Variants in DDX10 observed in about 807,000 individuals in gnomAD.
DDX10 encodes the protein probable ATP-dependent RNA helicase DDX10.
DDX10 carries 74 observed loss-of-function variants against 104.3 expected under a neutral mutation model. The ratio of observed to expected loss-of-function variants is 0.71; its 90% CI spans 0.59 to 0.86. DDX10 has a LOEUF of 0.86. Ranked by LOEUF, DDX10 falls within the 40% of genes least tolerant of loss-of-function variation. DDX10 has a pLI of 0.00. For synonymous variants in DDX10, 351 were observed against 353.4 expected (o/e 0.99, Z 0.08); for missense variants, 952 against 1,040.0 (o/e 0.92, Z 1.16).
At chr11:108,902,911 A>T (rs528033761) in intron 16 of DDX10, among the ~76,000 whole-genome samples, 3 of 152,164 alleles carry the variant, frequency 2.0e-5, no homozygotes, top group East Asian at 3.9e-4. Flanking sequence ...ATAACCTTAA[A>T]TTTTTTTATT....
chr11:108,826,489 A>G (rs1333980905), intron 13 of DDX10, among the ~76,000 whole-genome samples: 1 of 152,206 alleles, frequency 6.6e-6, no homozygotes, highest in Non-Finnish European at 1.5e-5. Flanking sequence ...TATTTTAGCT[A>G]TGGACCTCAG....
At chr11:108,829,059 G>A (rs1232548121) in intron 13 of DDX10, among the ~76,000 whole-genome samples, 2 of 152,198 alleles carry the variant, frequency 1.3e-5, no homozygotes, top group Non-Finnish European at 2.9e-5. Context: ...GCATGAGTAT[G>A]CAAGTACCTT....
intron 7 of DDX10, chr11:108,690,913 C>T (rs908374449): frequency 5.8e-5 from 9 of 155,048 alleles, no homozygotes; most frequent in African/African-American, 2.2e-4. Context: ...GTTTCCAATT[C>T]CTTGTCCCGT....
chr11:108,850,351 TG>T (rs1862774002), intron 15 of DDX10, among the ~76,000 whole-genome samples: 1 of 152,176 alleles, frequency 6.6e-6, no homozygotes, highest in East Asian at 1.9e-4. Context: ...CATTTTTTTC[TG>T]CTGTGATTAA....
At chr11:108,702,684 T>C (rs1342877103) in intron 9 of DDX10, among the ~76,000 whole-genome samples, 1 of 152,210 alleles carries the variant, frequency 6.6e-6, no homozygotes, top group African/African-American at 2.4e-5. Flanking sequence ...CTATTTTAAC[T>C]AGAAATACTA....
intron 16 of DDX10, among the ~76,000 whole-genome samples, chr11:108,854,162 T>C (rs1423780602): frequency 4.6e-5 from 7 of 152,068 alleles, no homozygotes; most frequent in Non-Finnish European, 1.0e-4. Flanking sequence ...AAACCAACCT[T>C]TTGCACCCAA....
At chr11:108,735,008 C>T (rs952287232) in intron 13 of DDX10, among the ~76,000 whole-genome samples, 4 of 152,198 alleles carry the variant, frequency 2.6e-5, no homozygotes, top group African/African-American at 9.6e-5. Flanking sequence ...GGAGGACTGT[C>T]TTTGTGATGG....
chr11:108,849,877 T>A (rs776256520), intron 15 of DDX10, among the ~76,000 whole-genome samples: 1 of 152,258 alleles, frequency 6.6e-6, no homozygotes, highest in East Asian at 1.9e-4. Context: ...CTTTGTTTTG[T>A]CATATGTCAT....
intron 1 of DDX10, among the ~76,000 whole-genome samples, chr11:108,666,899 C>A (rs1345830363): frequency 6.6e-6 from 1 of 152,218 alleles, no homozygotes. Context: ...GGATCATTTT[C>A]AGCACCACAT....
At chr11:108,870,327 T>C (rs1863064015) in intron 16 of DDX10, among the ~76,000 whole-genome samples, 1 of 152,160 alleles carries the variant, frequency 6.6e-6, no homozygotes, top group Admixed American at 6.5e-5. Flanking sequence ...TGAATTATAG[T>C]GGCCAGAATG....
chr11:108,727,032 C>G (rs1380937593), intron 13 of DDX10, among the ~76,000 whole-genome samples: 1 of 151,978 alleles, frequency 6.6e-6, no homozygotes. Flanking sequence ...TGAAAAACTC[C>G]ATTTAAGCAA....
intron 17 of DDX10, among the ~76,000 whole-genome samples, chr11:108,937,973 G>C (rs1864057421): frequency 6.6e-6 from 1 of 152,176 alleles, no homozygotes; most frequent in African/African-American, 2.4e-5. Flanking sequence ...CTGACACGAA[G>C]ATAAAATGCA....
At chr11:108,852,346 A>T (rs1862805710) in intron 16 of DDX10, 137 bp downstream of exon 16, 1 of 619,616 alleles carries the variant, frequency 1.6e-6, no homozygotes, top group East Asian at 3.0e-5. Flanking sequence ...TGGATTTTAT[A>T]TATTATTTGT....
At position 108,841,553 on chromosome 11, in the gene DDX10, A is replaced by G. The variant is rs1862639101; in HGVS notation, c.2247+77A>G. On this transcript the variant is annotated intron_variant, in intron 15 of 17. Transcript: ENST00000322536. ...ATATCTAAATATTCATTAGCTATTCATTAATAAGTGTATTATTTTCTTCAT... is the reference window on the plus strand; with the variant it reads ...ATATCTAAATATTCATTAGCTATTCGTTAATAAGTGTATTATTTTCTTCAT... 7.2e-6 allele frequency: 9 copies of G among 1,256,828 alleles called. No individual in the cohort carries two copies. In the South Asian group the frequency reaches 1.4e-4, roughly 19 times the overall value. The allele number at this position is 1,256,828 out of a possible 1,614,324, so 77.9% of individuals were successfully genotyped here. A position where few individuals can be genotyped will look rare whatever the true frequency, so the allele number is the denominator to read the frequency against.
intron 16 of DDX10, among the ~76,000 whole-genome samples, chr11:108,908,361 C>CA (rs1198190684): frequency 2.0e-5 from 3 of 152,074 alleles, no homozygotes; most frequent in African/African-American, 4.8e-5. Context: ...TTGTCGGAAT[C>CA]AAAAATAGTT....
At chr11:108,827,610 A>G (rs1862412873) in intron 13 of DDX10, among the ~76,000 whole-genome samples, 1 of 152,176 alleles carries the variant, frequency 6.6e-6, no homozygotes, top group African/African-American at 2.4e-5. Flanking sequence ...TATTTCCATA[A>G]TTCATAATTT....
At chr11:108,816,797 G>T (rs1212583613) in intron 13 of DDX10, among the ~76,000 whole-genome samples, 2 of 151,956 alleles carry the variant, frequency 1.3e-5, no homozygotes, top group Admixed American at 6.6e-5. Flanking sequence ...CAGGTGATCC[G>T]CTCTCTTTGG....
intron 13 of DDX10, among the ~76,000 whole-genome samples, chr11:108,791,598 T>C (rs1006476232): frequency 2.0e-5 from 3 of 152,230 alleles, no homozygotes; most frequent in African/African-American, 7.2e-5. Context: ...AGTTCTCTTG[T>C]ATACCTTCCA....
At chr11:108,911,570 TTTTTTTTTTTTTTTTTTG>T (rs1863680001) in intron 16 of DDX10, among the ~76,000 whole-genome samples, 1 of 134,400 alleles carries the variant, frequency 7.4e-6, no homozygotes, top group East Asian at 2.1e-4. Flanking sequence ...TTTTTTTTTT[TTTTTTTTTTTTTTTTTTG>T]AGACAGGACC....
Sources: gnomAD v4.1 joint callset for allele counts (sites outside exome capture counted in the v4.1 genomes callset) on GRCh38, gnomAD v4.1.1 for gene constraint, MANE v1.5 for transcripts, NCBI Gene and HGNC (gene_info 2026-07-23, HGNC 2026-07-21) for gene names.